The following SNAP91 variants were observed in gnomAD, a reference collection of about 807,000 sequenced individuals.
The protein encoded by SNAP91 is clathrin coat assembly protein AP180.
Under a neutral mutation model 100.3 loss-of-function variants are expected in SNAP91, and 27 were observed. That is an observed-to-expected ratio of 0.27 (90% CI 0.20 to 0.37). The LOEUF is 0.37. SNAP91 is among the 10% of genes least tolerant of loss of function. The pLI is 1.00. For missense variants in SNAP91, 986 were observed against 1,123.7 expected (o/e 0.88, Z 1.75); for synonymous variants, 404 against 398.6 (o/e 1.01, Z -0.16).
Position 83,641,088 on chromosome 6 carries a change from T to A in SNAP91, c.765+8A>T. ...ATTATATTCCCAAGAAAACTTAATA[T>A]TACTTACCTCTGCAACCTTGAGAAA... On this transcript the variant is annotated splice_region_variant and intron_variant, in intron 8 of 29. Transcript: ENST00000369694. The A allele has an allele frequency of 7.0e-7, 1 of 1,438,626 alleles. No homozygotes were observed. Among genetic ancestry groups the A allele is most frequent in the Non-Finnish European group, 9.3e-7 (1 of 1,072,622 alleles). The allele number at this position is 1,438,626 out of a possible 1,614,324, so 89.1% of individuals were successfully genotyped here. A position where few individuals can be genotyped will look rare whatever the true frequency, so the allele number is the denominator to read the frequency against.
At chr6:83,609,140 AT>A (rs2095830416) in intron 12 of SNAP91, among the ~76,000 whole-genome samples, 1 of 152,218 alleles carries the variant, frequency 6.6e-6, no homozygotes, top group Non-Finnish European at 1.5e-5. Context: ...ACAGAAGCCC[AT>A]TAAAAAATGC....
intron 8 of SNAP91, among the ~76,000 whole-genome samples, chr6:83,636,904 G>A (rs753643513): frequency 5.9e-5 from 9 of 152,058 alleles, no homozygotes; most frequent in Non-Finnish European, 1.3e-4. Context: ...GATCGGTTTC[G>A]TTTCTGAGCG....
At chr6:83,564,910 G>A (rs1794482952) in intron 26 of SNAP91, among the ~76,000 whole-genome samples, 1 of 151,604 alleles carries the variant, frequency 6.6e-6, no homozygotes, top group South Asian at 2.1e-4. Context: ...ATAAATTGGA[G>A]TTTATCAAAA....
chr6:83,661,574 T>C lies in SNAP91; in HGVS notation c.380A>G (p.Tyr127Cys), dbSNP rs377081323. Residue 127 changes from tyrosine (Y) to cysteine (C), a missense_variant, in exon 5 of 30, where the codon TAT becomes TGT. Around this residue, in one of 4 missense-constraint regions of SNAP91, gnomAD observed 330 missense variants for 447.5 expected, o/e 0.74. Coordinates refer to ENST00000369694, the MANE Select transcript of SNAP91 (RefSeq NM_001242792.2). ...AGCCTTTTCATTCAAATATCTACTA[T>C]AGCGCCTTATGAAGGTAGACATATC... ...GYDMSTFIRR[Y>C]SRYLNEKAFS... 1.7e-5 allele frequency: 28 copies of C among 1,607,262 alleles called. No homozygotes were observed. The highest frequency in any genetic ancestry group is 1.7e-4 in the Middle Eastern group (1 of 6,052).
At chr6:83,671,029 C>T (rs1216158022) in intron 2 of SNAP91, among the ~76,000 whole-genome samples, 1 of 151,862 alleles carries the variant, frequency 6.6e-6, no homozygotes, top group Non-Finnish European at 1.5e-5. Context: ...CTGAGCTTAT[C>T]AACTTTAACA....
intron 8 of SNAP91, 42 bp downstream of exon 8, chr6:83,641,054 A>G (rs1462643382): frequency 1.7e-6 from 2 of 1,150,064 alleles, no homozygotes. Flanking sequence ...ATGAGCAAAT[A>G]TTTAAAAAAT....
At chr6:83,663,216 A>G (rs217304) in intron 3 of SNAP91, among the ~76,000 whole-genome samples, 57,359 of 151,808 alleles carry the variant, frequency 0.38, 11,437 homozygotes, top group South Asian at 0.5. Flanking sequence ...AAATATTGCA[A>G]TTAAGCCAAC....
chr6:83,597,528 C>T (rs1009446272), intron 16 of SNAP91, among the ~76,000 whole-genome samples: 1 of 152,146 alleles, frequency 6.6e-6, no homozygotes, highest in Non-Finnish European at 1.5e-5. Context: ...CCTAGAAATG[C>T]GTGCTCCTGC....
chr6:83,634,629 C>T (rs1170381130), intron 8 of SNAP91, among the ~76,000 whole-genome samples: 4 of 152,078 alleles, frequency 2.6e-5, no homozygotes, highest in Non-Finnish European at 5.9e-5. Flanking sequence ...CCCCACTTCT[C>T]GTTGATTACA....
chr6:83,584,709 C>T (rs1034242795), intron 22 of SNAP91, among the ~76,000 whole-genome samples: 1 of 152,158 alleles, frequency 6.6e-6, no homozygotes, highest in Non-Finnish European at 1.5e-5. Flanking sequence ...ATTAGCTTAT[C>T]TAATCCTTAT....
intron 24 of SNAP91, among the ~76,000 whole-genome samples, chr6:83,579,916 T>C (rs1825636976): frequency 6.6e-6 from 1 of 152,192 alleles, no homozygotes; most frequent in Admixed American, 6.5e-5. Flanking sequence ...TCTATCACAC[T>C]ATAGAATTTA....
At chr6:83,559,351 G>A (rs926654240) in intron 28 of SNAP91, among the ~76,000 whole-genome samples, 2 of 152,254 alleles carry the variant, frequency 1.3e-5, no homozygotes, top group African/African-American at 4.8e-5. Context: ...GTGAGCTTGC[G>A]ATACTGCATG....
At chr6:83,607,114 AAT>A (rs1386030886) in intron 13 of SNAP91, among the ~76,000 whole-genome samples, 3 of 152,170 alleles carry the variant, frequency 2.0e-5, no homozygotes, top group African/African-American at 7.2e-5. Flanking sequence ...AATTGACCTA[AAT>A]TTATTATTTG....
In SNAP91 at chr6:83,648,432, T is replaced by C. The variant is rs528438738; in HGVS notation, c.659-7230A>G. The stretch of plus-strand genomic sequence containing the variant: ...TTGAACATTCATGTGCTAGTCCTTG[T>C]ATGGATACTGGTTCTTATTTCTCTT... On this transcript the variant is annotated intron_variant, in intron 7 of 29. Coordinates refer to ENST00000369694, the MANE Select transcript of SNAP91 (RefSeq NM_001242792.2). Among the ~76,000 whole-genome samples, 315 of 152,116 alleles carry C rather than the reference T, an allele frequency of 2.1e-3. 2 individuals carry two copies. Among genetic ancestry groups the C allele is most frequent in the Non-Finnish European group, 3.9e-3 (266 of 68,000 alleles).
At chr6:83,580,351 A>G in intron 24 of SNAP91, 99 bp downstream of exon 24, 1 of 1,286,802 alleles carries the variant, frequency 7.8e-7, no homozygotes, top group South Asian at 1.5e-5. Context: ...GAGAGTCCAG[A>G]AACAAAACAT....
intron 14 of SNAP91, among the ~76,000 whole-genome samples, chr6:83,604,977 C>A (rs2095518097): frequency 6.6e-6 from 1 of 152,074 alleles, no homozygotes; most frequent in Non-Finnish European, 1.5e-5. Flanking sequence ...TAGTTTGGTA[C>A]AGGAAGGCAT....
intron 24 of SNAP91, among the ~76,000 whole-genome samples, chr6:83,576,299 CAT>C (rs1164210058): frequency 1.3e-5 from 2 of 152,110 alleles, no homozygotes; most frequent in African/African-American, 2.4e-5. Flanking sequence ...AAAGAGCAAA[CAT>C]AGCAGGTTTG....
intron 9 of SNAP91, among the ~76,000 whole-genome samples, chr6:83,622,264 G>T (rs542761149): frequency 6.6e-6 from 1 of 151,958 alleles, no homozygotes; most frequent in Admixed American, 6.6e-5. Flanking sequence ...TATTCATAAA[G>T]AATTCTTGAT....
Position 83,553,865 on chromosome 6 carries a change from A to G in SNAP91, c.*431T>C, listed in dbSNP as rs1420952479. ...CTGGTATTATCACACTACGCTTGTA[A>G]CAGAGATACAGAAGAAAAGATAATT... is the stretch of plus-strand genomic sequence containing the variant. On this transcript the variant is annotated 3_prime_UTR_variant, in exon 30 of 30. Transcript: ENST00000369694. The G allele has an allele frequency of 2.0e-5, 3 of 152,196 alleles. No homozygotes were observed. The highest frequency in any genetic ancestry group is 2.1e-4 in the South Asian group (1 of 4,828). 9.4% of individuals were successfully genotyped at this position (152,196 alleles called of 1,614,324 possible). A position where few individuals can be genotyped will look rare whatever the true frequency, so the allele number is the denominator to read the frequency against.
Sources: allele counts gnomAD v4.1 joint callset (sites outside exome capture counted in the v4.1 genomes callset), GRCh38; gene constraint gnomAD v4.1.1; regional missense constraint gnomAD v4.1.1; transcripts MANE v1.5; gene names NCBI Gene and HGNC (gene_info 2026-07-23, HGNC 2026-07-21).